The following SLC25A13 variants were observed in gnomAD, a reference collection of about 807,000 sequenced individuals.
The protein encoded by SLC25A13 is solute carrier family 25 member 13, also known as electrogenic aspartate/glutamate antiporter SLC25A13, mitochondrial.
SLC25A13 carries 70 observed loss-of-function variants against 85.5 expected under a neutral mutation model. The observed-to-expected ratio is 0.82, with a 90% CI of 0.68 to 1.00. The LOEUF (loss-of-function observed/expected upper bound fraction) is 1.00. Ranked by LOEUF, SLC25A13 falls within the 50% of genes least tolerant of loss-of-function variation. The pLI, the probability that SLC25A13 is intolerant of heterozygous loss-of-function variation, is 0.00. For missense variants in SLC25A13, 765 were observed against 819.8 expected (o/e 0.93, Z 0.82); for synonymous variants, 259 against 288.7 (o/e 0.90, Z 1.04).
intron 3 of SLC25A13, among the ~76,000 whole-genome samples, chr7:96,241,403 A>G (rs1444796229): frequency 6.6e-6 from 1 of 152,240 alleles, no homozygotes. Flanking sequence ...AACAACCTCA[A>G]TATACAACAA....
intron 1 of SLC25A13, chr7:96,306,908 C>T (rs1799764945): frequency 9.5e-7 from 1 of 1,048,116 alleles, no homozygotes; most frequent in South Asian, 1.3e-5. Context: ...TCTTGCCCTT[C>T]ACTTGTGTGC....
intron 13 of SLC25A13, among the ~76,000 whole-genome samples, chr7:96,169,001 C>T (rs1044258180): frequency 7.2e-5 from 11 of 152,146 alleles, no homozygotes; most frequent in South Asian, 2.1e-4. Flanking sequence ...CCATCCTGAA[C>T]GCTCCTAAAG....
chr7:96,247,367 A>T (rs78616932), intron 3 of SLC25A13, among the ~76,000 whole-genome samples: 1 of 152,190 alleles, frequency 6.6e-6, no homozygotes, highest in Admixed American at 6.5e-5. Context: ...AGAAAAAAAA[A>T]GTGCCCATGT....
At chr7:96,141,727 C>T (rs531987040) in intron 14 of SLC25A13, among the ~76,000 whole-genome samples, 1 of 151,816 alleles carries the variant, frequency 6.6e-6, no homozygotes, top group African/African-American at 2.4e-5. Flanking sequence ...GCTGTGAGCA[C>T]GTAAAAATAC....
Position 96,167,842 on chromosome 7 carries a change from G to C in SLC25A13, c.1311+2203C>G, listed in dbSNP as rs565456584. Among the ~76,000 whole-genome samples, 8 of 152,250 alleles carry C rather than the reference G, an allele frequency of 5.3e-5. No homozygotes were observed. In the East Asian group the frequency reaches 1.5e-3, roughly 29 times the overall value. ...GGCTGGGCGGGGTGGCCCCATGCCT[G>C]TAATCCCAGCATTTTGGGAGGCCAA... On this transcript the variant is annotated intron_variant, in intron 13 of 17. Transcript: ENST00000265631.
At chr7:96,315,350 C>A (rs962639952) in intron 1 of SLC25A13, among the ~76,000 whole-genome samples, 3 of 152,176 alleles carry the variant, frequency 2.0e-5, no homozygotes, top group African/African-American at 7.2e-5. Context: ...GAGGCTCAGG[C>A]CACACCCAAG....
chr7:96,281,305 C>T (rs1426213991), intron 2 of SLC25A13, among the ~76,000 whole-genome samples: 3 of 150,908 alleles, frequency 2.0e-5, no homozygotes, highest in African/African-American at 4.9e-5. Context: ...GCAGGAGAAT[C>T]GCTTGAACCC....
chr7:96,292,001 C>T (rs1200502772), intron 2 of SLC25A13, among the ~76,000 whole-genome samples: 1 of 152,152 alleles, frequency 6.6e-6, no homozygotes, highest in Non-Finnish European at 1.5e-5. Context: ...GACCAATATC[C>T]CTGATGAACA....
intron 15 of SLC25A13, among the ~76,000 whole-genome samples, chr7:96,128,945 T>TG (rs1791876249): frequency 1.5e-5 from 2 of 136,326 alleles, no homozygotes; most frequent in African/African-American, 5.9e-5. Flanking sequence ...GCTTGCTCTC[T>TG]CTCTCTCTCT....
intron 1 of SLC25A13, among the ~76,000 whole-genome samples, chr7:96,305,915 C>G (rs1298920128): frequency 6.6e-6 from 1 of 152,210 alleles, no homozygotes; most frequent in Non-Finnish European, 1.5e-5. Context: ...AGGAAAGGGG[C>G]TCTCTGCACA....
At chr7:96,193,284 C>T in intron 5 of SLC25A13, 101 bp from the exon 6 acceptor site, 2 of 1,416,790 alleles carry the variant, frequency 1.4e-6, no homozygotes, top group Non-Finnish European at 1.9e-6. Context: ...AGAGAGTTTA[C>T]ATCTTGATCT....
At chr7:96,135,122 G>A (rs1584354357) in intron 14 of SLC25A13, among the ~76,000 whole-genome samples, 1 of 152,068 alleles carries the variant, frequency 6.6e-6, no homozygotes, top group Admixed American at 6.6e-5. Context: ...TCTTCTTCAG[G>A]TGACTGGGAC....
chr7:96,277,687 G>A (rs927434925), intron 2 of SLC25A13, among the ~76,000 whole-genome samples: 16 of 152,024 alleles, frequency 1.1e-4, no homozygotes, highest in Admixed American at 8.5e-4. Context: ...CCCTGCAACA[G>A]ACAGTTCTCC....
At chr7:96,268,883 C>A (rs924758476) in intron 3 of SLC25A13, among the ~76,000 whole-genome samples, 1 of 152,196 alleles carries the variant, frequency 6.6e-6, no homozygotes, top group African/African-American at 2.4e-5. Flanking sequence ...CCTCTGCCTG[C>A]AACTCTCTGT....
At chr7:96,306,311 A>G (rs931065672) in intron 1 of SLC25A13, among the ~76,000 whole-genome samples, 10 of 152,224 alleles carry the variant, frequency 6.6e-5, no homozygotes, top group African/African-American at 1.9e-4. Flanking sequence ...CCCCAGTCTG[A>G]CCTTCAGGGC....
chr7:96,157,600 T>C (rs912973903), intron 13 of SLC25A13, among the ~76,000 whole-genome samples: 1 of 152,112 alleles, frequency 6.6e-6, no homozygotes, highest in Non-Finnish European at 1.5e-5. Context: ...GGTCAGGAAA[T>C]GGAGACCAGC....
At chr7:96,257,693 G>A (rs1370868122) in intron 3 of SLC25A13, among the ~76,000 whole-genome samples, 1 of 152,088 alleles carries the variant, frequency 6.6e-6, no homozygotes, top group Non-Finnish European at 1.5e-5. Context: ...GAAAAAGAGG[G>A]ACTCCTCCCT....
intron 11 of SLC25A13, among the ~76,000 whole-genome samples, chr7:96,173,262 C>T (rs374922834): frequency 1.3e-5 from 2 of 152,174 alleles, no homozygotes; most frequent in Non-Finnish European, 2.9e-5. Context: ...AAGTGCATCA[C>T]GTTTATTACG....
chr7:96,127,770 A>G (rs764729491), intron 15 of SLC25A13, among the ~76,000 whole-genome samples: 5 of 152,248 alleles, frequency 3.3e-5, no homozygotes, highest in Non-Finnish European at 7.3e-5. Context: ...GAGGCCAACA[A>G]TTATTCATTG....
Sources: gnomAD v4.1 joint callset for allele counts (sites outside exome capture counted in the v4.1 genomes callset) on GRCh38, gnomAD v4.1.1 for gene constraint, MANE v1.5 for transcripts, NCBI Gene and HGNC (gene_info 2026-07-23, HGNC 2026-07-21) for gene names.